The following MCTP2 variants were observed in gnomAD, a reference collection of about 807,000 sequenced individuals.
MCTP2 encodes the protein multiple C2 and transmembrane domain-containing protein 2.
A neutral mutation model predicts 111.6 loss-of-function variants in MCTP2; 132 were observed. The observed-to-expected ratio is 1.18, with a 90% CI of 1.03 to 1.37. MCTP2 has a LOEUF of 1.37. Ranked by LOEUF, MCTP2 falls within the 40% of genes most tolerant of loss-of-function variation. The pLI, the probability that MCTP2 is intolerant of heterozygous loss-of-function variation, is 0.00. For missense variants in MCTP2, 1,183 were observed against 1,067.9 expected, an observed-to-expected ratio of 1.11 and a Z score of -1.50; for synonymous variants, 395 against 387.7, an observed-to-expected ratio of 1.02 and a Z score of -0.22.
chr15:94,241,157 G>T (rs371840120), intron 1 of MCTP2, among the ~76,000 whole-genome samples: 3 of 151,836 alleles, frequency 2.0e-5, no homozygotes, highest in African/African-American at 7.3e-5. Flanking sequence ...ATGTAGAGTC[G>T]GTGGCTTTCT....
rs185452105 is a variant in MCTP2 at position 94,338,835 on chromosome 15, C to T, written c.638-455C>T. On this transcript the variant is annotated intron_variant, in intron 4 of 22. Coordinates refer to ENST00000357742, the MANE Select transcript of MCTP2 (RefSeq NM_001385001.1). Reference sequence around the variant, plus strand: ...GTGCCATCTTTTGAGCCAGTGATTCCAGAGATTTTATTTATTATGATTATA... The same window carrying T: ...GTGCCATCTTTTGAGCCAGTGATTCTAGAGATTTTATTTATTATGATTATA... Among the ~76,000 whole-genome samples, 3 of 152,258 alleles carry T rather than the reference C, an allele frequency of 2.0e-5. No homozygotes were observed. The East Asian group carries it at 5.8e-4, about 29-fold the overall frequency.
At chr15:94,313,498 C>T (rs570557202) in intron 2 of MCTP2, among the ~76,000 whole-genome samples, 13 of 152,054 alleles carry the variant, frequency 8.5e-5, no homozygotes, top group South Asian at 6.2e-4. Flanking sequence ...GTCAGGAGTC[C>T]GAGACCAGCC....
intron 17 of MCTP2, among the ~76,000 whole-genome samples, chr15:94,433,081 G>GT (rs1484404571): frequency 2.3e-5 from 3 of 132,222 alleles, no homozygotes. Context: ...ACAATACATA[G>GT]GGGATTTGTT....
Position 94,281,944 on chromosome 15 carries a change from G to T in MCTP2, c.-65-16257G>T, listed in dbSNP as rs546390740. On this transcript the variant is annotated intron_variant, in intron 1 of 22. Coordinates refer to ENST00000357742, the MANE Select transcript of MCTP2 (RefSeq NM_001385001.1). ...ATGGGATTCCCTTTGTATATGACCT[G>T]CCCCTTCTCTCTAGCTGCCTTTAAG... 1.3e-4 allele frequency among the ~76,000 whole-genome samples: 20 copies of T among 152,060 alleles called. No homozygotes were observed. The Middle Eastern group carries it at 0.01, about 78-fold the overall frequency.
chr15:94,450,333 CATGTGT>C (rs1205349422), intron 19 of MCTP2, among the ~76,000 whole-genome samples: 2 of 152,086 alleles, frequency 1.3e-5, no homozygotes, highest in African/African-American at 2.4e-5. Flanking sequence ...GCGTTGACTC[CATGTGT>C]GTGTGCGTGT....
At chr15:94,474,768 A>C (rs1050244330) in intron 21 of MCTP2, among the ~76,000 whole-genome samples, 1 of 152,220 alleles carries the variant, frequency 6.6e-6, no homozygotes, top group Non-Finnish European at 1.5e-5. Flanking sequence ...GAATAGGGCA[A>C]AATTATTGAA....
intron 1 of MCTP2, among the ~76,000 whole-genome samples, chr15:94,272,326 G>C (rs889254787): frequency 2.0e-5 from 3 of 152,192 alleles, no homozygotes; most frequent in Non-Finnish European, 2.9e-5. Context: ...TGCATTGGGA[G>C]ATGAGGGGTA....
intron 8 of MCTP2, chr15:94,355,922 C>T: frequency 8.7e-7 from 1 of 1,154,044 alleles, no homozygotes; most frequent in South Asian, 2.9e-5. Flanking sequence ...TGCATATACT[C>T]ATCCTTCACT....
chr15:94,261,463 C>A (rs1415306053), intron 1 of MCTP2, among the ~76,000 whole-genome samples: 4 of 152,168 alleles, frequency 2.6e-5, no homozygotes, highest in African/African-American at 9.7e-5. Context: ...GGTGGCCAGG[C>A]AGGCTGTAAT....
chr15:94,270,036 C>T (rs1000572404), intron 1 of MCTP2, among the ~76,000 whole-genome samples: 6 of 152,028 alleles, frequency 3.9e-5, no homozygotes, highest in Admixed American at 3.9e-4. Flanking sequence ...ATTCAGGCAC[C>T]ATGCTTGTGG....
intron 1 of MCTP2, among the ~76,000 whole-genome samples, chr15:94,242,991 A>G (rs1328707559): frequency 9.4e-6 from 1 of 106,826 alleles, no homozygotes; most frequent in Non-Finnish European, 2.0e-5. Context: ...ATACACGTGT[A>G]TATGTGTATC....
intron 20 of MCTP2, among the ~76,000 whole-genome samples, chr15:94,464,004 G>A (rs996265260): frequency 3.3e-5 from 5 of 151,344 alleles, no homozygotes; most frequent in Non-Finnish European, 7.4e-5. Context: ...TTGCAGTTAT[G>A]ATCATCAGTG....
At chr15:94,433,222 A>G (rs574312233) in intron 17 of MCTP2, among the ~76,000 whole-genome samples, 3 of 152,328 alleles carry the variant, frequency 2.0e-5, no homozygotes, top group African/African-American at 7.2e-5. Flanking sequence ...TTCATGAGTC[A>G]TGTTCTCCTA....
intron 12 of MCTP2, among the ~76,000 whole-genome samples, chr15:94,372,987 C>A (rs961306265): frequency 2.6e-5 from 4 of 152,064 alleles, no homozygotes; most frequent in African/African-American, 4.8e-5. Flanking sequence ...GTTCAGGAAT[C>A]CTGATAAAGC....
chr15:94,322,291 C>G (rs2076666315), intron 4 of MCTP2, among the ~76,000 whole-genome samples: 2 of 139,702 alleles, frequency 1.4e-5, no homozygotes, highest in Admixed American at 7.5e-5. Context: ...TGCACAGCCC[C>G]TGTTTTTGAA....
At chr15:94,369,101 G>A (rs12909356) in intron 11 of MCTP2, among the ~76,000 whole-genome samples, 15,781 of 152,142 alleles carry the variant, frequency 0.1, 993 homozygotes, top group East Asian at 0.3. Context: ...TTTCAAATGC[G>A]TTCTCTTAGT....
chr15:94,344,506 G>A (rs1392418490), intron 7 of MCTP2, among the ~76,000 whole-genome samples: 1 of 152,160 alleles, frequency 6.6e-6, no homozygotes, highest in East Asian at 1.9e-4. Context: ...AGAATTTGTA[G>A]ACCAAATTCA....
intron 1 of MCTP2, among the ~76,000 whole-genome samples, chr15:94,280,030 C>T (rs1596257902): frequency 1.3e-5 from 2 of 151,818 alleles, no homozygotes; most frequent in Admixed American, 1.3e-4. Flanking sequence ...TTTTTACACC[C>T]GTGTTCTTGA....
At chr15:94,251,462 A>G (rs981834452) in intron 1 of MCTP2, among the ~76,000 whole-genome samples, 1 of 151,698 alleles carries the variant, frequency 6.6e-6, no homozygotes, top group African/African-American at 2.4e-5. Context: ...GGGTTCAAGC[A>G]ATTCTCCTGC....
Sources: allele counts gnomAD v4.1 joint callset (sites outside exome capture counted in the v4.1 genomes callset), GRCh38; gene constraint gnomAD v4.1.1; transcripts MANE v1.5; gene names NCBI Gene and HGNC (gene_info 2026-07-23, HGNC 2026-07-21).